CDYL: variants seen among roughly 807,000 people sequenced by gnomAD.
CDYL encodes chromodomain Y like.
CDYL carries 8 observed loss-of-function variants against 47.3 expected under a neutral mutation model. The ratio of observed to expected loss-of-function variants is 0.17; its 90% CI spans 0.10 to 0.31. CDYL has a LOEUF of 0.31. Among genes scored for constraint, CDYL ranks in the 10% least tolerant of loss-of-function variants. The pLI is 1.00. For missense variants in CDYL, 471 were observed against 701.4 expected (o/e 0.67, Z 3.71); for synonymous variants, 266 against 265.0 (o/e 1.00, Z -0.04).
At chr6:4,894,903 G>A (rs998104280) in intron 2 of CDYL, among the ~76,000 whole-genome samples, 6 of 141,418 alleles carry the variant, frequency 4.2e-5, no homozygotes, top group South Asian at 2.1e-4. Context: ...ATATACACAC[G>A]TACGTGTGTA....
At chr6:4,842,123 CTTG>C (rs1410424400) in intron 1 of CDYL, among the ~76,000 whole-genome samples, 6 of 135,416 alleles carry the variant, frequency 4.4e-5, no homozygotes, top group Non-Finnish European at 7.9e-5. Context: ...TATATATAAA[CTTG>C]TTAATATAAA....
chr6:4,919,043 T>C (rs1757635909), intron 2 of CDYL, among the ~76,000 whole-genome samples: 1 of 152,230 alleles, frequency 6.6e-6, no homozygotes, highest in Non-Finnish European at 1.5e-5. Context: ...AAACCTGCGC[T>C]AACTGTATAG....
At chr6:4,900,120 C>T (rs960827789) in intron 2 of CDYL, among the ~76,000 whole-genome samples, 1 of 152,208 alleles carries the variant, frequency 6.6e-6, no homozygotes, top group African/African-American at 2.4e-5. Context: ...TACCAAATTC[C>T]CCAGAGAGAA....
chr6:4,718,912 G>GT (rs34940804), intron 2 of CDYL, among the ~76,000 whole-genome samples: 83 of 132,838 alleles, frequency 6.2e-4, no homozygotes, highest in East Asian at 2.0e-3. Flanking sequence ...ATTTCCACTG[G>GT]TTTTTTTTTT....
At chr6:4,758,730 C>T (rs1156823934) in intron 3 of CDYL, among the ~76,000 whole-genome samples, 3 of 151,938 alleles carry the variant, frequency 2.0e-5, no homozygotes, top group Middle Eastern at 3.2e-3. Context: ...CCCTATAATT[C>T]TAGAGAAAAG....
intron 2 of CDYL, among the ~76,000 whole-genome samples, chr6:4,895,857 C>T (rs1328222357): frequency 6.6e-6 from 1 of 152,134 alleles, no homozygotes; most frequent in Non-Finnish European, 1.5e-5. Context: ...TTAGTGACTT[C>T]CTTTCTAAAA....
In CDYL at chr6:4,720,451, G is replaced by A. The variant is rs189960897; in HGVS notation, c.103+4570G>A. Among the ~76,000 whole-genome samples the A allele has an allele frequency of 7.9e-5, 12 of 152,172 alleles. No homozygotes were observed. The East Asian group carries it at 2.3e-3, about 29-fold the overall frequency. On this transcript the variant is annotated intron_variant, in intron 2 of 8. Coordinates refer to the CDYL transcript ENST00000328908. ...AAATGAATTAAATGTAATATGCTCA[G>A]GTCAATGTCTTTCACATTCTTTATA...
At chr6:4,718,035 G>A (rs758041517) in intron 2 of CDYL, among the ~76,000 whole-genome samples, 12 of 151,876 alleles carry the variant, frequency 7.9e-5, no homozygotes, top group African/African-American at 2.7e-4. Context: ...TAGAGATGGT[G>A]TCTCACTATA....
intron 1 of CDYL, among the ~76,000 whole-genome samples, chr6:4,795,435 A>G (rs1759042819): frequency 6.6e-6 from 1 of 152,044 alleles, no homozygotes; most frequent in South Asian, 2.1e-4. Context: ...AGTTTTTAGA[A>G]TTTTTGGAAA....
intron 1 of CDYL, among the ~76,000 whole-genome samples, chr6:4,889,470 G>A (rs529365288): frequency 2.6e-4 from 40 of 152,084 alleles, no homozygotes; most frequent in African/African-American, 9.4e-4. Context: ...TGATCCGCCC[G>A]CCTTGGCCTC....
intron 2 of CDYL, among the ~76,000 whole-genome samples, chr6:4,731,292 T>G (rs1396089627): frequency 1.3e-5 from 2 of 152,214 alleles, no homozygotes; most frequent in African/African-American, 2.4e-5. Context: ...TCCCAACCTA[T>G]TTTCATCTTT....
intron 2 of CDYL, among the ~76,000 whole-genome samples, chr6:4,895,512 T>C (rs922467032): frequency 4.0e-5 from 6 of 149,368 alleles, no homozygotes; most frequent in African/African-American, 1.5e-4. Context: ...TATACGTATA[T>C]ATGTATATAT....
At chr6:4,747,084 C>T (rs1029298996) in intron 3 of CDYL, among the ~76,000 whole-genome samples, 1 of 152,008 alleles carries the variant, frequency 6.6e-6, no homozygotes, top group Admixed American at 6.6e-5. Context: ...CGAGGCGGGC[C>T]GATCATGAGG....
chr6:4,734,181 G>A (rs1757659669), intron 2 of CDYL, among the ~76,000 whole-genome samples: 1 of 152,144 alleles, frequency 6.6e-6, no homozygotes, highest in Non-Finnish European at 1.5e-5. Context: ...GGGAAGGGAG[G>A]GGAAAGGACT....
intron 2 of CDYL, among the ~76,000 whole-genome samples, chr6:4,900,785 A>ATGTG (rs1279182436): frequency 3.2e-5 from 1 of 31,544 alleles, no homozygotes; most frequent in African/African-American, 1.5e-4. Flanking sequence ...GTGTGTATAT[A>ATGTG]TATATATATA....
intron 2 of CDYL, chr6:4,718,532 C>T (rs985326798): frequency 3.3e-5 from 5 of 152,190 alleles, no homozygotes; most frequent in Non-Finnish European, 7.3e-5. Flanking sequence ...CTCACCTCAA[C>T]CTTCCAAAGT....
At chr6:4,749,027 G>T (rs1454945082) in intron 3 of CDYL, among the ~76,000 whole-genome samples, 1 of 152,230 alleles carries the variant, frequency 6.6e-6, no homozygotes, top group Non-Finnish European at 1.5e-5. Flanking sequence ...GATCGCCTTG[G>T]AGCCTGAGCC....
chr6:4,913,700 C>T (rs150305015), intron 2 of CDYL, among the ~76,000 whole-genome samples: 1 of 152,320 alleles, frequency 6.6e-6, no homozygotes, highest in East Asian at 1.9e-4. Flanking sequence ...GGGATCAGCA[C>T]GCTTTTCCTT....
At chr6:4,871,533 T>A (rs1271892020) in intron 1 of CDYL, among the ~76,000 whole-genome samples, 2 of 152,168 alleles carry the variant, frequency 1.3e-5, no homozygotes, top group African/African-American at 4.8e-5. Context: ...AACCAGACTC[T>A]CTAGGATCCA....
Sources: allele counts gnomAD v4.1 joint callset (sites outside exome capture counted in the v4.1 genomes callset), GRCh38; gene constraint gnomAD v4.1.1; transcripts MANE v1.5; gene names NCBI Gene and HGNC (gene_info 2026-07-23, HGNC 2026-07-21).